CMSS1: variants seen among roughly 807,000 people sequenced by gnomAD.
CMSS1 encodes the protein cms1 ribosomal small subunit homolog, also known as protein CMSS1.
A neutral mutation model predicts 43.5 loss-of-function variants in CMSS1; 33 were observed. The ratio of observed to expected loss-of-function variants is 0.76; its 90% CI spans 0.57 to 1.01. The LOEUF (loss-of-function observed/expected upper bound fraction) is 1.01. CMSS1 is among the 50% of genes least tolerant of loss of function. CMSS1 has a pLI of 0.00. For missense variants in CMSS1, 313 were observed against 326.4 expected, an observed-to-expected ratio of 0.96 and a Z score of 0.32; for synonymous variants, 115 against 117.2, an observed-to-expected ratio of 0.98 and a Z score of 0.12.
intron 1 of CMSS1, among the ~76,000 whole-genome samples, chr3:100,145,412 C>T (rs886737482): frequency 6.6e-6 from 1 of 151,822 alleles, no homozygotes; most frequent in African/African-American, 2.4e-5. Flanking sequence ...CACACCATTG[C>T]ACTCCAGCCT....
chr3:99,987,674 G>A (rs777667599), intron 1 of CMSS1, among the ~76,000 whole-genome samples: 2 of 152,044 alleles, frequency 1.3e-5, no homozygotes, highest in Non-Finnish European at 2.9e-5. Flanking sequence ...TTATTAACAT[G>A]ACCCAAAGTC....
chr3:100,124,786 ATGCTGTCTAGTAGCAGCAGCAGTT>A (rs2107494630), intron 1 of CMSS1, among the ~76,000 whole-genome samples: 1 of 152,210 alleles, frequency 6.6e-6, no homozygotes, highest in African/African-American at 2.4e-5. Flanking sequence ...CTGGCACTAT[ATGCTGTCTAGTAGCAGCAGCAGTT>A]GCTGCTGCTG....
intron 1 of CMSS1, among the ~76,000 whole-genome samples, chr3:99,872,935 AAAG>A (rs1046076933): frequency 3.9e-5 from 6 of 151,942 alleles, no homozygotes; most frequent in Non-Finnish European, 8.8e-5. Context: ...TTTTTTAAAA[AAAG>A]GAGGGATGTG....
chr3:99,889,328 T>C (rs1706010349), intron 1 of CMSS1, among the ~76,000 whole-genome samples: 1 of 152,136 alleles, frequency 6.6e-6, no homozygotes, highest in Admixed American at 6.5e-5. Flanking sequence ...TCATATTATA[T>C]AATAACCCTT....
chr3:100,061,091 G>C (rs529268454), intron 1 of CMSS1, among the ~76,000 whole-genome samples: 2 of 151,722 alleles, frequency 1.3e-5, no homozygotes, highest in Admixed American at 6.6e-5. Flanking sequence ...TGTGCACATA[G>C]AAGTTGACCT....
At position 100,003,180 on chromosome 3, in the gene CMSS1, T is replaced by C. The variant is rs545132456; in HGVS notation, c.65-143793T>C. On this transcript the variant is annotated intron_variant, in intron 1 of 9. Coordinates refer to ENST00000421999, the MANE Select transcript of CMSS1 (RefSeq NM_032359.4). ...TGCCAAATCTGATTAGAAGCACTTT[T>C]GTTGTAAGCCCATGTTTATGAAGCC... is the stretch of plus-strand genomic sequence containing the variant. Among the ~76,000 whole-genome samples the C allele has an allele frequency of 6.0e-4, 91 of 152,300 alleles. 3 individuals carry two copies. The South Asian group carries it at 0.017, about 29-fold the overall frequency.
At chr3:99,974,709 AAACAACAAC>A (rs371476675) in intron 1 of CMSS1, among the ~76,000 whole-genome samples, 50 of 152,024 alleles carry the variant, frequency 3.3e-4, no homozygotes, top group African/African-American at 1.0e-3. Context: ...CTCCATCTCA[AAACAACAAC>A]AACAACAACA....
chr3:100,033,101 T>C (rs1305047291), intron 1 of CMSS1, among the ~76,000 whole-genome samples: 1 of 152,178 alleles, frequency 6.6e-6, no homozygotes, highest in Non-Finnish European at 1.5e-5. Context: ...TCTTCAACTA[T>C]ATTGCTGGAT....
intron 1 of CMSS1, among the ~76,000 whole-genome samples, chr3:100,135,472 G>A (rs1267243333): frequency 3.3e-5 from 5 of 150,600 alleles, no homozygotes. Flanking sequence ...GTGTGTGTGT[G>A]TGTGTGTGTG....
chr3:99,966,227 T>G (rs1230237839), intron 1 of CMSS1, among the ~76,000 whole-genome samples: 1 of 152,182 alleles, frequency 6.6e-6, no homozygotes, highest in Non-Finnish European at 1.5e-5. Flanking sequence ...CTAAGCAGGC[T>G]GCAGAGGCTG....
chr3:100,172,297 C>G lies in CMSS1; in HGVS notation c.580-19C>G. ...TCTTAATGACTTCCTTTTCTTTCTT[C>G]TCTTTCATCTTGGAACAGGTCCAGG... On this transcript the variant is annotated intron_variant, in intron 7 of 9. Coordinates refer to ENST00000421999, the MANE Select transcript of CMSS1 (RefSeq NM_032359.4). 6.2e-7 allele frequency: 1 copy of G among 1,606,454 alleles called. No homozygotes were observed. The highest frequency in any genetic ancestry group is 8.5e-7 in the Non-Finnish European group (1 of 1,176,174).
chr3:100,114,815 T>C, intron 1 of CMSS1: 1 of 594,382 alleles, frequency 1.7e-6, no homozygotes, highest in Non-Finnish European at 2.9e-6. Context: ...GCCTTGTTTG[T>C]GATTTAAGTA....
chr3:99,883,072 A>G lies in CMSS1; in HGVS notation c.64+65029A>G, dbSNP rs187110487. On this transcript the variant is annotated intron_variant, in intron 1 of 9. Coordinates refer to ENST00000421999, the MANE Select transcript of CMSS1 (RefSeq NM_032359.4). ...TGTCACTAAGCATCCAGTCTACATC[A>G]TAAAATGCAGGTTTGGAAGATATGT... 2.7e-3 allele frequency among the ~76,000 whole-genome samples: 405 copies of G among 152,366 alleles called. 9 individuals carry two copies. The highest frequency in any genetic ancestry group is 9.8e-4 in the Admixed American group (15 of 15,308).
At chr3:99,940,692 G>T (rs1186963297) in intron 1 of CMSS1, among the ~76,000 whole-genome samples, 2 of 152,130 alleles carry the variant, frequency 1.3e-5, no homozygotes, top group African/African-American at 4.8e-5. Flanking sequence ...CAGAGAACCC[G>T]AAATTTCCTA....
At chr3:100,052,794 T>C (rs1267169886) in intron 1 of CMSS1, among the ~76,000 whole-genome samples, 2 of 152,242 alleles carry the variant, frequency 1.3e-5, no homozygotes, top group African/African-American at 4.8e-5. Flanking sequence ...AGGTAAACTT[T>C]CTGGATATGA....
chr3:99,874,565 A>G (rs1705407155), intron 1 of CMSS1: 1 of 152,178 alleles, frequency 6.6e-6, no homozygotes, highest in African/African-American at 2.4e-5. Flanking sequence ...TCCTCAGGCC[A>G]AATAACATAT....
At chr3:99,901,625 G>C (rs749134788) in intron 1 of CMSS1, among the ~76,000 whole-genome samples, 1 of 152,172 alleles carries the variant, frequency 6.6e-6, no homozygotes, top group Non-Finnish European at 1.5e-5. Context: ...AAATATCAGC[G>C]ATGTGTATTC....
chr3:99,844,071 C>T (rs989073336), intron 1 of CMSS1, among the ~76,000 whole-genome samples: 3 of 148,372 alleles, frequency 2.0e-5, no homozygotes, highest in African/African-American at 7.5e-5. Context: ...TGTACAGTAT[C>T]GGTTGTTTAC....
At chr3:99,982,443 T>A (rs1213763020) in intron 1 of CMSS1, among the ~76,000 whole-genome samples, 2 of 152,176 alleles carry the variant, frequency 1.3e-5, no homozygotes, top group Non-Finnish European at 2.9e-5. Context: ...TGGGCTCAAG[T>A]GATCCTCCCA....
Sources: gnomAD v4.1 joint callset for allele counts (sites outside exome capture counted in the v4.1 genomes callset) on GRCh38, gnomAD v4.1.1 for gene constraint, MANE v1.5 for transcripts, NCBI Gene and HGNC (gene_info 2026-07-23, HGNC 2026-07-21) for gene names.